The following IQCJ variants were observed in gnomAD, a reference collection of about 807,000 sequenced individuals.
IQCJ encodes IQ domain-containing protein J.
In IQCJ, 9 loss-of-function variants were observed where a neutral mutation model predicts 11.0. The ratio of observed to expected loss-of-function variants is 0.82; its 90% CI spans 0.49 to 1.43. The LOEUF is 1.43. Among genes scored for constraint, IQCJ ranks in the 40% most tolerant of loss-of-function variants. The probability of loss-of-function intolerance (pLI) is 0.00; values close to 1 mark genes in which losing one functional copy is unlikely to be tolerated. For missense variants in IQCJ, 146 were observed against 133.2 expected (o/e 1.10, Z -0.47); for synonymous variants, 55 against 51.3 (o/e 1.07, Z -0.31).
intron 1 of IQCJ, among the ~76,000 whole-genome samples, chr3:159,235,793 G>A (rs1726546180): frequency 6.6e-6 from 1 of 152,170 alleles, no homozygotes; most frequent in South Asian, 2.1e-4. Context: ...TCCTAATAAT[G>A]TTTATGAACG....
intron 1 of IQCJ, among the ~76,000 whole-genome samples, chr3:159,156,583 C>T (rs1046202144): frequency 2.6e-5 from 4 of 152,152 alleles, no homozygotes; most frequent in African/African-American, 4.8e-5. Context: ...GCCTTGAATG[C>T]GAGCCTAAGC....
chr3:159,152,065 C>T (rs146387715), intron 1 of IQCJ, among the ~76,000 whole-genome samples: 50 of 152,216 alleles, frequency 3.3e-4, no homozygotes, highest in Middle Eastern at 6.8e-3. Flanking sequence ...TGGTGAATTC[C>T]GAATGTTACA....
At chr3:159,260,335 G>T (rs1490544815) in intron 3 of IQCJ, among the ~76,000 whole-genome samples, 2 of 152,116 alleles carry the variant, frequency 1.3e-5, no homozygotes, top group Admixed American at 6.6e-5. Flanking sequence ...TAATGAAGAC[G>T]ATTTAAAGGG....
At chr3:159,251,862 A>G (rs1406235088) in intron 2 of IQCJ, among the ~76,000 whole-genome samples, 1 of 152,140 alleles carries the variant, frequency 6.6e-6, no homozygotes, top group Non-Finnish European at 1.5e-5. Flanking sequence ...TACAGTGGGG[A>G]AAGTGACTTA....
downstream of IQCJ, chr3:159,265,341 G>A: frequency 6.2e-7 from 1 of 1,613,764 alleles, no homozygotes; most frequent in Non-Finnish European, 8.5e-7. Flanking sequence ...CAGACCCACT[G>A]GGTTCATACA....
Position 159,140,712 on chromosome 3 carries a change from G to A in IQCJ, c.9+71271G>A, listed in dbSNP as rs117526673. Among the ~76,000 whole-genome samples, 26 of 152,294 alleles carry A rather than the reference G, an allele frequency of 1.7e-4. No individual in the cohort carries two copies. In the East Asian group the frequency reaches 4.8e-3, roughly 28 times the overall value. On this transcript the variant is annotated intron_variant, in intron 1 of 3. Coordinates refer to ENST00000397832, the MANE Select transcript of IQCJ (RefSeq NM_001042706.3). Reference sequence around the variant, plus strand: ...GCAACTGTGAATCATTAGGCATGTTGTTCTACTGCTCTGTCCCTCCATGTC... The same window carrying A: ...GCAACTGTGAATCATTAGGCATGTTATTCTACTGCTCTGTCCCTCCATGTC...
At chr3:159,185,701 T>C (rs1248525490) in intron 1 of IQCJ, among the ~76,000 whole-genome samples, 1 of 152,200 alleles carries the variant, frequency 6.6e-6, no homozygotes, top group Non-Finnish European at 1.5e-5. Context: ...TCAATTCCTT[T>C]CCGGCTTTTA....
intron 1 of IQCJ, among the ~76,000 whole-genome samples, chr3:159,135,609 G>C (rs1304896022): frequency 6.6e-6 from 1 of 152,190 alleles, no homozygotes; most frequent in Non-Finnish European, 1.5e-5. Context: ...GGGTACATCT[G>C]TATCAAGACA....
intron 1 of IQCJ, among the ~76,000 whole-genome samples, chr3:159,203,638 T>C (rs567965837): frequency 2.4e-4 from 36 of 151,172 alleles, no homozygotes; most frequent in Middle Eastern, 3.4e-3. Context: ...GGGGAGGAGG[T>C]GGGTGCTGTA....
At chr3:159,185,784 C>T (rs1723340801) in intron 1 of IQCJ, among the ~76,000 whole-genome samples, 1 of 152,162 alleles carries the variant, frequency 6.6e-6, no homozygotes, top group African/African-American at 2.4e-5. Flanking sequence ...CATGAAGCTG[C>T]TTGATTGTCC....
intron 1 of IQCJ, among the ~76,000 whole-genome samples, chr3:159,119,924 G>A (rs1442832655): frequency 1.3e-5 from 2 of 152,110 alleles, no homozygotes; most frequent in Non-Finnish European, 2.9e-5. Flanking sequence ...AATGAGTTTT[G>A]TGGCTTAAAA....
At chr3:159,243,655 A>G in intron 1 of IQCJ, among the ~76,000 whole-genome samples, 1 of 152,206 alleles carries the variant, frequency 6.6e-6, no homozygotes, top group Admixed American at 6.5e-5. Flanking sequence ...GGAATGATAA[A>G]TGTTCTATAT....
chr3:159,165,631 T>C (rs1423918779), intron 1 of IQCJ, among the ~76,000 whole-genome samples: 2 of 151,826 alleles, frequency 1.3e-5, no homozygotes, highest in Non-Finnish European at 2.9e-5. Flanking sequence ...TTTTTTTTTT[T>C]TGAGACAGAT....
At position 159,263,482 on chromosome 3, in the gene IQCJ, A is replaced by G. The variant is rs1056625495; in HGVS notation, c.*751A>G. On this transcript the variant is annotated 3_prime_UTR_variant, in exon 4 of 4. Coordinates refer to ENST00000397832, the MANE Select transcript of IQCJ (RefSeq NM_001042706.3). ...CACCAAAAGTGGGAAGAAATCAGTG[A>G]TGAGGGATTTATGAACCAGGATTTT... 4.1e-6 allele frequency: 4 copies of G among 984,132 alleles called. No individual in the cohort carries two copies. The highest frequency in any genetic ancestry group is 4.8e-6 in the Non-Finnish European group (4 of 828,870). The allele number at this position is 984,132 out of a possible 1,614,324, so 61.0% of individuals were successfully genotyped here. A position where few individuals can be genotyped will look rare whatever the true frequency, so the allele number is the denominator to read the frequency against.
At chr3:159,163,819 G>A (rs1722013733) in intron 1 of IQCJ, among the ~76,000 whole-genome samples, 1 of 152,154 alleles carries the variant, frequency 6.6e-6, no homozygotes, top group Non-Finnish European at 1.5e-5. Flanking sequence ...TGGAGGTTGG[G>A]AAGTCTGGCT....
intron 1 of IQCJ, among the ~76,000 whole-genome samples, chr3:159,074,638 G>A (rs890429840): frequency 6.6e-6 from 1 of 151,964 alleles, no homozygotes; most frequent in Non-Finnish European, 1.5e-5. Flanking sequence ...AGATTTTCAC[G>A]ATAATCCTTT....
intron 1 of IQCJ, among the ~76,000 whole-genome samples, chr3:159,182,127 T>G (rs913903776): frequency 1.3e-5 from 2 of 151,840 alleles, no homozygotes; most frequent in African/African-American, 4.9e-5. Flanking sequence ...TTCCTTGCTG[T>G]TTTTTCCTTT....
intron 1 of IQCJ, among the ~76,000 whole-genome samples, chr3:159,229,240 G>C (rs1279244570): frequency 2.6e-5 from 4 of 151,358 alleles, no homozygotes; most frequent in African/African-American, 9.8e-5. Flanking sequence ...CATTCCAGTC[G>C]GCCAATAAGG....
chr3:159,214,565 T>C lies in IQCJ; in HGVS notation c.10-31278T>C, dbSNP rs149135422. On this transcript the variant is annotated intron_variant, in intron 1 of 3. Coordinates refer to ENST00000397832, the MANE Select transcript of IQCJ (RefSeq NM_001042706.3). ...TAGGCTTTAGATCCCTGTCTTTCAA[T>C]GACTCAATTTCTACATGTGGCCCAG... 1.0e-3 allele frequency among the ~76,000 whole-genome samples: 155 copies of C among 152,356 alleles called. 1 individual carries two copies. The highest frequency in any genetic ancestry group is 1.8e-3 in the Non-Finnish European group (124 of 68,032).
Sources: gnomAD v4.1 joint callset for allele counts (sites outside exome capture counted in the v4.1 genomes callset) on GRCh38, gnomAD v4.1.1 for gene constraint, MANE v1.5 for transcripts, NCBI Gene and HGNC (gene_info 2026-07-23, HGNC 2026-07-21) for gene names.